Variants in CA2 observed in about 807,000 individuals in gnomAD.
The protein encoded by CA2 is carbonic anhydrase 2, also known as carbonate dehydratase II.
Under a neutral mutation model 27.8 loss-of-function variants are expected in CA2, and 23 were observed. The observed-to-expected ratio is 0.83, with a 90% CI of 0.59 to 1.17. The LOEUF is 1.17. Ranked by LOEUF, CA2 falls within the 50% of genes most tolerant of loss-of-function variation. The pLI, the probability that CA2 is intolerant of heterozygous loss-of-function variation, is 0.00. For missense variants in CA2, 300 were observed against 314.7 expected, an observed-to-expected ratio of 0.95 and a Z score of 0.35; for synonymous variants, 99 against 114.9, an observed-to-expected ratio of 0.86 and a Z score of 0.88.
At chr8:85,474,589 G>A in intron 4 of CA2, 173 bp downstream of exon 4, 2 of 659,794 alleles carry the variant, frequency 3.0e-6, no homozygotes, top group South Asian at 3.4e-5. Context: ...TGGAGATGGA[G>A]GGCAGAAAGA....
At chr8:85,465,182 G>A (rs1811607876) in intron 1 of CA2, 90 bp from the exon 2 acceptor site, 2 of 1,048,198 alleles carry the variant, frequency 1.9e-6, no homozygotes, top group Admixed American at 3.6e-5. Flanking sequence ...TTGGAACTGA[G>A]CAGATTGGCT....
chr8:85,464,183 C>G, intron 1 of CA2, 68 bp downstream of exon 1: 2 of 1,423,186 alleles, frequency 1.4e-6, no homozygotes, highest in Middle Eastern at 1.8e-4. Context: ...ATCCCCGAGC[C>G]CGGATGCCGG....
chr8:85,478,737 A>G (rs547935668), intron 6 of CA2, among the ~76,000 whole-genome samples: 1 of 152,284 alleles, frequency 6.6e-6, no homozygotes, highest in South Asian at 2.1e-4. Context: ...GTCCTATAAC[A>G]TGGAATCTGG....
At chr8:85,465,586 C>T in intron 2 of CA2, 117 bp downstream of exon 2, 2 of 811,060 alleles carry the variant, frequency 2.5e-6, no homozygotes, top group Non-Finnish European at 4.1e-6. Context: ...TCTCAGGACT[C>T]AAGGATGCCA....
chr8:85,473,444 CAA>C, intron 2 of CA2: 1 of 607,330 alleles, frequency 1.6e-6, no homozygotes. Context: ...ATTCTCCAGA[CAA>C]CGCATGTGAG....
chr8:85,465,599 C>G, intron 2 of CA2, 130 bp downstream of exon 2: 2 of 764,652 alleles, frequency 2.6e-6, no homozygotes, highest in East Asian at 5.4e-5. Context: ...GGATGCCACC[C>G]TGATCATTTT....
intron 2 of CA2, among the ~76,000 whole-genome samples, chr8:85,469,743 C>T (rs998957872): frequency 2.3e-4 from 35 of 152,126 alleles, no homozygotes; most frequent in African/African-American, 8.0e-4. Context: ...AATTATTGGG[C>T]CAACTCTTAT....
At position 85,471,067 on chromosome 8, in the gene CA2, C is replaced by T. The variant is rs370160600; in HGVS notation, c.233-2626C>T. 1.8e-4 allele frequency among the ~76,000 whole-genome samples: 27 copies of T among 152,078 alleles called. No individual in the cohort carries two copies. The South Asian group carries it at 3.5e-3, about 20-fold the overall frequency. On this transcript the variant is annotated intron_variant, in intron 2 of 6. Transcript: ENST00000285379. ...TAGTCATTTAAATAAATAAGTAGAT[C>T]CAGAATATAGCATAAAGTCCCTAAC...
chr8:85,473,426 A>G, intron 2 of CA2: 1 of 569,874 alleles, frequency 1.8e-6, no homozygotes, highest in East Asian at 4.2e-5. Context: ...AAGATGTGAA[A>G]AACATCCATT....
intron 2 of CA2, among the ~76,000 whole-genome samples, chr8:85,472,723 G>A (rs1811728285): frequency 1.3e-5 from 2 of 152,120 alleles, no homozygotes; most frequent in Non-Finnish European, 2.9e-5. Context: ...GGGCACGGTG[G>A]CTCATGCCTG....
intron 1 of CA2, 78 bp downstream of exon 1, chr8:85,464,193 G>C: frequency 7.4e-7 from 1 of 1,343,294 alleles, no homozygotes. Context: ...CCGGATGCCG[G>C]CCCGGGGCCC....
intron 3 of CA2, 39 bp from the exon 4 acceptor site, chr8:85,474,285 T>C (rs779382439): frequency 4.3e-6 from 6 of 1,398,308 alleles, no homozygotes; most frequent in Non-Finnish European, 6.1e-6. Context: ...GCTTTGATTA[T>C]GTAAATCACT....
At chr8:85,474,262 A>G in intron 3 of CA2, 62 bp from the exon 4 acceptor site, 1 of 1,182,920 alleles carries the variant, frequency 8.5e-7, no homozygotes, top group Non-Finnish European at 1.3e-6. Context: ...AGACCATTGA[A>G]TAAAATCTGT....
chr8:85,474,596 A>C, intron 4 of CA2, 180 bp downstream of exon 4: 1 of 649,266 alleles, frequency 1.5e-6, no homozygotes, highest in East Asian at 2.8e-5. Context: ...GGAGGGCAGA[A>C]AGACAATAGG....
rs568377824 is a variant in CA2 at position 85,477,222 on chromosome 8, G to T, written c.610G>T (p.Glu204Ter). 6.2e-7 allele frequency: 1 copy of T among 1,614,066 alleles called. No individual in the cohort carries two copies. The highest frequency in any genetic ancestry group is 8.5e-7 in the Non-Finnish European group (1 of 1,179,978). ...PGSLTTPPLL[E>*]CVTWIVLKEP... is the part of the protein sequence containing the mutation. ...CTCACTGACCACCCCTCCTCTTCTG[G>T]AATGTGTGACCTGGATTGTGCTCAA... Residue 204 changes from glutamate (E) to a stop codon, truncating the protein, a stop_gained, in exon 6 of 7, where the codon GAA (glutamate) becomes TAA (stop). Coordinates refer to ENST00000285379, the MANE Select transcript of CA2 (RefSeq NM_000067.3). LOFTEE classifies it high-confidence loss of function.
At chr8:85,471,746 TATTA>T (rs1811715783) in intron 2 of CA2, among the ~76,000 whole-genome samples, 1 of 151,924 alleles carries the variant, frequency 6.6e-6, no homozygotes. Context: ...TTTTTTTCAG[TATTA>T]ATTTATTTCA....
chr8:85,470,969 C>T (rs912580317), intron 2 of CA2, among the ~76,000 whole-genome samples: 7 of 152,006 alleles, frequency 4.6e-5, no homozygotes, highest in Non-Finnish European at 1.0e-4. Flanking sequence ...GCAATTTCTG[C>T]TATTTTTTAA....
At chr8:85,479,759 A>G (rs545076245) in intron 6 of CA2, among the ~76,000 whole-genome samples, 38 of 152,304 alleles carry the variant, frequency 2.5e-4, no homozygotes, top group Middle Eastern at 3.4e-3. Flanking sequence ...AGCACTCACA[A>G]TTGTTCACTA....
rs1158175944 is a variant in CA2 at position 85,465,457 on chromosome 8, C to T, written c.220C>T (p.Gln74Ter). ...HAFNVEFDDS[Q>*]DKAVLKGGPL... Reference sequence around the variant, plus strand: ...TTTCAACGTGGAGTTTGATGACTCTCAGGACAAAGCAGGTCAGTGTTTAGA... The same window carrying T: ...TTTCAACGTGGAGTTTGATGACTCTTAGGACAAAGCAGGTCAGTGTTTAGA... The change falls in exon 2 of 7, where the codon CAG (glutamine) becomes TAG (stop). Residue 74 changes from glutamine (Q) to a stop codon, truncating the protein, a stop_gained. Coordinates refer to ENST00000285379, the MANE Select transcript of CA2 (RefSeq NM_000067.3). LOFTEE classifies it high-confidence loss of function. 1 of 1,613,572 alleles carries T rather than the reference C, an allele frequency of 6.2e-7. No homozygotes were observed. Among genetic ancestry groups the T allele is most frequent in the Admixed American group, 1.7e-5 (1 of 59,950 alleles).
Sources: allele counts gnomAD v4.1 joint callset (sites outside exome capture counted in the v4.1 genomes callset), GRCh38; gene constraint gnomAD v4.1.1; transcripts MANE v1.5; gene names NCBI Gene and HGNC (gene_info 2026-07-23, HGNC 2026-07-21).